Variants in ZNF616 observed in about 807,000 individuals in gnomAD.
ZNF616 encodes the protein zinc finger protein 616.
Under a neutral mutation model 7.6 loss-of-function variants are expected in ZNF616, and 5 were observed. The ratio of observed to expected loss-of-function variants is 0.66; its 90% confidence interval spans 0.34 to 1.38. The LOEUF is 1.38. Among genes scored for constraint, ZNF616 ranks in the 40% most tolerant of loss-of-function variants. The pLI is 0.04. For synonymous variants in ZNF616, 319 were observed against 317.2 expected, an observed-to-expected ratio of 1.01 and a Z score of -0.06; for missense variants, 913 against 948.3, an observed-to-expected ratio of 0.96 and a Z score of 0.49.
At chr19:52,118,538 T>C (rs778591527) in intron 3 of ZNF616, among the ~76,000 whole-genome samples, 1 of 152,134 alleles carries the variant, frequency 6.6e-6, no homozygotes. Flanking sequence ...GAGAAAGCCA[T>C]GGTAAACCGG....
chr19:52,132,280 C>A (rs180864125), intron 1 of ZNF616, among the ~76,000 whole-genome samples: 1 of 152,240 alleles, frequency 6.6e-6, no homozygotes, highest in Non-Finnish European at 1.5e-5. Flanking sequence ...TTTAGGAAGT[C>A]ACTTTAGACA....
At position 52,139,227 on chromosome 19, in the gene ZNF616, C is replaced by T. The variant is rs1282909847; in HGVS notation, c.-77+505G>A. ...ATACGATGCCCACCTCCCGGAAGAG[C>T]ACATTTTCCAGTGGAGTAAAAATTT... On this transcript the variant is annotated intron_variant, in intron 1 of 3. Coordinates refer to ENST00000600228, the MANE Select transcript of ZNF616 (RefSeq NM_178523.5). The surrounding 1 kb of genome is among the most constrained non-coding windows in gnomAD (Gnocchi z 4.1). Among the ~76,000 whole-genome samples, 3 of 152,150 alleles carry T rather than the reference C, an allele frequency of 2.0e-5. No homozygotes were observed. The highest frequency in any genetic ancestry group is 4.4e-5 in the Non-Finnish European group (3 of 68,040).
intron 3 of ZNF616, among the ~76,000 whole-genome samples, chr19:52,123,222 T>A (rs370890692): frequency 1.3e-5 from 2 of 152,128 alleles, no homozygotes; most frequent in Non-Finnish European, 2.9e-5. Context: ...TTACAATACA[T>A]GAAAATGCAC....
rs1241359231 is a variant in ZNF616 at position 52,135,618 on chromosome 19, A to AC, written c.-77+4113dup. On this transcript the variant is annotated intron_variant, in intron 1 of 3. Transcript: ENST00000600228. ...CAATGCACCACCACTCCAGCTGCCCACTCTCCCCGTGGGCTCAGCTTAGGA... is the reference window on the plus strand; with the variant it reads ...CAATGCACCACCACTCCAGCTGCCCACCTCTCCCCGTGGGCTCAGCTTAGGA... Among the ~76,000 whole-genome samples, 3 of 151,804 alleles carry AC rather than the reference A, an allele frequency of 2.0e-5. No homozygotes were observed. In the East Asian group the frequency reaches 5.8e-4, roughly 29 times the overall value.
Position 52,117,135 on chromosome 19 carries a change from G to A in ZNF616, c.140-111C>T, listed in dbSNP as rs1331691071. ...AACATAATCTTTATACTAGACAGGT[G>A]TGAGAGTTCTCCACCATGATCTTTT... On this transcript the variant is annotated intron_variant, in intron 3 of 3. Transcript: ENST00000600228. 4 of 876,664 alleles carry A rather than the reference G, an allele frequency of 4.6e-6. No homozygotes were observed. In the African/African-American group the frequency reaches 5.3e-5, roughly 12 times the overall value. The allele number at this position is 876,664 out of a possible 1,614,324, so 54.3% of individuals were successfully genotyped here.
At chr19:52,125,807 G>C (rs763214099) in intron 2 of ZNF616, among the ~76,000 whole-genome samples, 2 of 152,306 alleles carry the variant, frequency 1.3e-5, no homozygotes, top group Middle Eastern at 3.4e-3. Flanking sequence ...TGAAAGGTTA[G>C]GGGCCACTGA....
chr19:52,131,677 G>A (rs1293629443), intron 1 of ZNF616, among the ~76,000 whole-genome samples: 1 of 152,206 alleles, frequency 6.6e-6, no homozygotes, highest in Non-Finnish European at 1.5e-5. Context: ...GGGGCTGAAT[G>A]GAGCAAAATC....
At chr19:52,135,520 G>C (rs2088999796) in intron 1 of ZNF616, among the ~76,000 whole-genome samples, 1 of 152,108 alleles carries the variant, frequency 6.6e-6, no homozygotes, top group African/African-American at 2.4e-5. Context: ...AGCCCCCAAA[G>C]TGATGGACCC....
Position 52,115,003 on chromosome 19 carries a change from C to G in ZNF616, c.2161G>C (p.Glu721Gln), listed in dbSNP as rs1299998742. The G allele has an allele frequency of 5.6e-6, 9 of 1,614,026 alleles. No individual in the cohort carries two copies. The Admixed American group carries it at 1.0e-4, about 18-fold the overall frequency. Residue 721 changes from glutamate to glutamine, a missense_variant, in exon 4 of 4, where the codon GAA becomes CAA. By Grantham distance (29) the Glu-to-Gln change is conservative (BLOSUM62 2). Coordinates refer to ENST00000600228, the MANE Select transcript of ZNF616 (RefSeq NM_178523.5). ...AACCGCCCAAAGGCTTTGCCACATT[C>G]AATACATTTGTATCTTTTCTCTCCA... ...HTGEKRYKCI[E>Q]CGKAFGRLFS...
chr19:52,129,249 G>C (rs543917945), intron 2 of ZNF616, among the ~76,000 whole-genome samples: 9 of 152,010 alleles, frequency 5.9e-5, no homozygotes, highest in African/African-American at 2.2e-4. Context: ...ATTGTAGTCC[G>C]GCCTGGGTGA....
In ZNF616 at chr19:52,113,754, C is replaced by T. The variant is rs1255860520; in HGVS notation, c.*1064G>A. On this transcript the variant is annotated 3_prime_UTR_variant, in exon 4 of 4. Coordinates refer to ENST00000600228, the MANE Select transcript of ZNF616 (RefSeq NM_178523.5). Reference sequence around the variant, plus strand: ...TGTGTTAGTTTCCTGAGGATAATGGCTTCCAGCTCCATCCACATCGCTGCA... The same window carrying T: ...TGTGTTAGTTTCCTGAGGATAATGGTTTCCAGCTCCATCCACATCGCTGCA... 6.6e-6 allele frequency: 1 copy of T among 152,118 alleles called. No homozygotes were observed. The highest frequency in any genetic ancestry group is 1.5e-5 in the Non-Finnish European group (1 of 68,036). The allele number at this position is 152,118 out of a possible 1,614,324, so 9.4% of individuals were successfully genotyped here.
intron 3 of ZNF616, among the ~76,000 whole-genome samples, chr19:52,121,882 T>C (rs77736401): frequency 0.023 from 3,555 of 152,220 alleles, 129 homozygotes; most frequent in African/African-American, 0.081. Flanking sequence ...AAAACACTTC[T>C]GGATAAAATA....
chr19:52,133,582 G>A (rs191263232), intron 1 of ZNF616, among the ~76,000 whole-genome samples: 33 of 152,086 alleles, frequency 2.2e-4, no homozygotes, highest in African/African-American at 7.0e-4. Context: ...GCAATGGCAC[G>A]ATCTCGGCTC....
intron 1 of ZNF616, among the ~76,000 whole-genome samples, chr19:52,137,137 T>C (rs1053426227): frequency 2.0e-5 from 3 of 150,856 alleles, no homozygotes; most frequent in Non-Finnish European, 4.4e-5. Context: ...AAGAAAATCC[T>C]GCCGGGCACA....
At position 52,123,936 on chromosome 19, in the gene ZNF616, G is replaced by C. The variant is rs776946632; in HGVS notation, c.126C>G (p.Asn42Lys). The stretch of plus-strand genomic sequence containing the variant: ...AATTATACTCACCTAGGAAGACCAG[G>C]TTCCTATAGTTCTCCAACATCACAT... ...YKDVMLENYR[N>K]LVFLGISPKC... is the part of the protein sequence containing the mutation. The change falls in exon 3 of 4, where the codon AAC (asparagine) becomes AAG (lysine). Residue 42 changes from asparagine (N) to lysine (K), a missense_variant. Coordinates refer to ENST00000600228, the MANE Select transcript of ZNF616 (RefSeq NM_178523.5). 1 of 1,613,962 alleles carries C rather than the reference G, an allele frequency of 6.2e-7. No homozygotes were observed. Among genetic ancestry groups the C allele is most frequent in the Admixed American group, 1.7e-5 (1 of 59,998 alleles).
At chr19:52,123,081 T>G (rs377730121) in intron 3 of ZNF616, among the ~76,000 whole-genome samples, 1 of 152,138 alleles carries the variant, frequency 6.6e-6, no homozygotes, top group Non-Finnish European at 1.5e-5. Flanking sequence ...AAGAAAGAAA[T>G]CTTGTAAAAT....
At position 52,116,473 on chromosome 19, in the gene ZNF616, G is replaced by A. The variant is rs751107052; in HGVS notation, c.691C>T (p.His231Tyr). The change falls in exon 4 of 4, where the codon CAC (histidine) becomes TAC (tyrosine). Residue 231 changes from histidine (H) to tyrosine (Y), a missense_variant. His to Tyr is a moderately conservative substitution (Grantham distance 83). Coordinates refer to ENST00000600228, the MANE Select transcript of ZNF616 (RefSeq NM_178523.5). ...AFHRASLLTV[H>Y]KVVHTRGKSY... Reference sequence around the variant, plus strand: ...TTCCCTCTTGTATGGACTACCTTGTGTACAGTTAGTAGTGAGGCCCGATGA... The same window carrying A: ...TTCCCTCTTGTATGGACTACCTTGTATACAGTTAGTAGTGAGGCCCGATGA... 28 of 1,613,990 alleles carry A rather than the reference G, an allele frequency of 1.7e-5. 1 individual carries two copies. The Admixed American group carries it at 3.3e-4, about 19-fold the overall frequency.
intron 1 of ZNF616, among the ~76,000 whole-genome samples, chr19:52,137,720 C>G (rs1284342977): frequency 6.6e-6 from 1 of 152,102 alleles, no homozygotes; most frequent in African/African-American, 2.4e-5. Flanking sequence ...GTTTACCGCA[C>G]TGGACGCTTT....
chr19:52,120,854 T>C (rs1180155001), intron 3 of ZNF616, among the ~76,000 whole-genome samples: 1 of 152,072 alleles, frequency 6.6e-6, no homozygotes, highest in Non-Finnish European at 1.5e-5. Flanking sequence ...AGTTCCACAG[T>C]AATAATAAAA....
Sources: gnomAD v4.1 joint callset for allele counts (sites outside exome capture counted in the v4.1 genomes callset) on GRCh38, gnomAD v4.1.1 for gene constraint, Gnocchi (gnomAD v3.1) non-coding constraint, MANE v1.5 for transcripts, NCBI Gene and HGNC (gene_info 2026-07-23, HGNC 2026-07-21) for gene names.